TMEM106B: variants seen among roughly 807,000 people sequenced by gnomAD.
TMEM106B encodes the protein transmembrane protein 106B.
In TMEM106B, 15 loss-of-function variants were observed where a neutral mutation model predicts 31.1. The observed-to-expected ratio is 0.48, with a 90% CI of 0.32 to 0.74. TMEM106B has a LOEUF of 0.74. Ranked by LOEUF, TMEM106B falls within the 30% of genes least tolerant of loss-of-function variation. The pLI, the probability that TMEM106B is intolerant of heterozygous loss-of-function variation, is 0.03. For synonymous variants in TMEM106B, 126 were observed against 112.5 expected (o/e 1.12, Z -0.76); for missense variants, 283 against 327.3 (o/e 0.86, Z 1.04).
chr7:12,241,889 C>T lies in TMEM106B; in HGVS notation c.*9914C>T, dbSNP rs1007856454. The T allele has an allele frequency of 4.6e-5, 7 of 152,164 alleles. No homozygotes were observed. Among genetic ancestry groups the T allele is most frequent in the Non-Finnish European group, 7.3e-5 (5 of 68,028 alleles). The allele number at this position is 152,164 out of a possible 1,614,324, so 9.4% of individuals were successfully genotyped here. The stretch of plus-strand genomic sequence containing the variant: ...AACAGTGTGTAAAAGCTTCCTATTT[C>T]TCTACATTCTCTCCAGCATCTGTTG... On this transcript the variant is annotated 3_prime_UTR_variant, in exon 8 of 8. Transcript: ENST00000396668.
At chr7:12,230,304 C>T (rs1194555267) in intron 5 of TMEM106B, 85 bp from the exon 6 acceptor site, 1 of 986,394 alleles carries the variant, frequency 1.0e-6, no homozygotes, top group African/African-American at 1.6e-5. Context: ...AGAAAAATTT[C>T]TAATTATTTG....
rs1782035889 is a variant in TMEM106B, at chr7:12,232,029, C to G, written c.*54C>G. 5 of 1,536,218 alleles carry G rather than the reference C, an allele frequency of 3.3e-6. No homozygotes were observed. The highest frequency in any genetic ancestry group is 1.2e-5 in the South Asian group (1 of 83,312). The stretch of plus-strand genomic sequence containing the variant: ...AATATCTATTGATATTTCCTATACT[C>G]TCAATGAAGAGGTATTTCCTAATAG... On this transcript the variant is annotated 3_prime_UTR_variant, in exon 8 of 8. Transcript: ENST00000396668.
intron 4 of TMEM106B, among the ~76,000 whole-genome samples, chr7:12,226,985 A>G (rs1461499280): frequency 6.6e-6 from 1 of 152,108 alleles, no homozygotes; most frequent in East Asian, 1.9e-4. Flanking sequence ...GTCAAATAAC[A>G]TAAATATGTA....
At chr7:12,225,956 C>G (rs1403572859) in intron 4 of TMEM106B, among the ~76,000 whole-genome samples, 1 of 151,994 alleles carries the variant, frequency 6.6e-6, no homozygotes, top group Non-Finnish European at 1.5e-5. Flanking sequence ...AATGGTATTG[C>G]CTAGGTTTTC....
intron 2 of TMEM106B, among the ~76,000 whole-genome samples, chr7:12,217,274 C>A (rs1412346411): frequency 6.6e-6 from 1 of 152,052 alleles, no homozygotes; most frequent in East Asian, 1.9e-4. Context: ...GACACAGAAG[C>A]AGGTAGGTGG....
In TMEM106B at chr7:12,237,008, G is replaced by A. The variant is rs1221912069; in HGVS notation, c.*5033G>A. The A allele has an allele frequency of 6.6e-6, 1 of 151,718 alleles. No homozygotes were observed. Among genetic ancestry groups the A allele is most frequent in the East Asian group, 1.9e-4 (1 of 5,182 alleles). The allele number at this position is 151,718 out of a possible 1,614,324, so 9.4% of individuals were successfully genotyped here. A position where few individuals can be genotyped will look rare whatever the true frequency, so the allele number is the denominator to read the frequency against. On this transcript the variant is annotated 3_prime_UTR_variant, in exon 8 of 8. Coordinates refer to ENST00000396668, the MANE Select transcript of TMEM106B (RefSeq NM_001134232.2). Reference sequence around the variant, plus strand: ...AATATAGAATATGAAAATATGTTTGGGCATTTACTGTTTATATTATGTAGT... The same window carrying A: ...AATATAGAATATGAAAATATGTTTGAGCATTTACTGTTTATATTATGTAGT...
rs1307341557 is a variant in TMEM106B, at chr7:12,224,997, C to T, written c.441+612C>T. On this transcript the variant is annotated intron_variant, in intron 4 of 7. Transcript: ENST00000396668. Reference sequence around the variant, plus strand: ...CTCATCATTTACTTTAGGTATTTCTCCTAATGCTATCCCTCCCCCATCCCT... The same window carrying T: ...CTCATCATTTACTTTAGGTATTTCTTCTAATGCTATCCCTCCCCCATCCCT... Among the ~76,000 whole-genome samples, 5 of 152,100 alleles carry T rather than the reference C, an allele frequency of 3.3e-5. No homozygotes were observed. In the East Asian group the frequency reaches 9.7e-4, roughly 30 times the overall value.
Position 12,218,536 on chromosome 7 carries a change from G to T in TMEM106B, c.281+15G>T, listed in dbSNP as rs1781730482. ...CCAAGAAGAACGTAAGTGATTCTAA[G>T]AATATGGCAGTGTTTTATGTTTTAT... On this transcript the variant is annotated intron_variant, in intron 3 of 7. Transcript: ENST00000396668. 1 of 1,596,192 alleles carries T rather than the reference G, an allele frequency of 6.3e-7. No homozygotes were observed.
rs1244503155 is a variant in TMEM106B, at chr7:12,211,366, C to T, written c.-62C>T. The stretch of plus-strand genomic sequence containing the variant: ...CTCCCGGGACTGTGGACTCCACGAC[C>T]CTGTCCTCGGCCCTGTCCGCGCCGA... On this transcript the variant is annotated 5_prime_UTR_variant, in exon 1 of 8. Transcript: ENST00000396668. 1 of 152,416 alleles carries T rather than the reference C, an allele frequency of 6.6e-6. No individual in the cohort carries two copies. The highest frequency in any genetic ancestry group is 2.4e-5 in the African/African-American group (1 of 41,478). 9.4% of individuals were successfully genotyped at this position (152,416 alleles called of 1,614,324 possible).
intron 4 of TMEM106B, among the ~76,000 whole-genome samples, chr7:12,225,326 A>G (rs1351450777): frequency 3.3e-5 from 5 of 152,194 alleles, no homozygotes; most frequent in African/African-American, 7.2e-5. Flanking sequence ...TGCAATAAAC[A>G]TAACGTGTTA....
chr7:12,226,664 G>A (rs1380194266), intron 4 of TMEM106B, among the ~76,000 whole-genome samples: 1 of 151,278 alleles, frequency 6.6e-6, no homozygotes, highest in Non-Finnish European at 1.5e-5. Flanking sequence ...GGAATGGTAT[G>A]TTAAAGTGGA....
chr7:12,213,090 T>C (rs1403305485), intron 1 of TMEM106B, among the ~76,000 whole-genome samples: 2 of 152,218 alleles, frequency 1.3e-5, no homozygotes, highest in Admixed American at 6.5e-5. Flanking sequence ...TACTTCATTA[T>C]CTACCTGCAG....
chr7:12,230,298 A>C, intron 5 of TMEM106B, 91 bp from the exon 6 acceptor site: 2 of 955,096 alleles, frequency 2.1e-6, no homozygotes, highest in Non-Finnish European at 3.4e-6. Flanking sequence ...AAAAGGAGAA[A>C]AATTTCTAAT....
intron 3 of TMEM106B, 99 bp downstream of exon 3, chr7:12,218,620 A>G (rs1781732311): frequency 1.1e-6 from 1 of 943,242 alleles, no homozygotes. Flanking sequence ...TATTAAAAGA[A>G]AAAATGCTGT....
rs1781786549 is a variant in TMEM106B at position 12,221,478 on chromosome 7, C to T, written c.282-2748C>T. Among the ~76,000 whole-genome samples the T allele has an allele frequency of 2.0e-5, 3 of 152,104 alleles. No homozygotes were observed. In the South Asian group the frequency reaches 6.2e-4, roughly 31 times the overall value. ...ACAAAATCAAAGAAATTGAATTTTC[C>T]ACTTTTGACCCAAATAGAATAATGC... On this transcript the variant is annotated intron_variant, in intron 3 of 7. Transcript: ENST00000396668.
rs1018150122 is a variant in TMEM106B at position 12,227,823 on chromosome 7, TTTTA to T, written c.442-1849_442-1846del. ...AAATGTCTAACCTTTATTACTAAAT[TTTTA>T]TTTATTCTGTCTTATTTTTTCTTTG... On this transcript the variant is annotated intron_variant, in intron 4 of 7. Coordinates refer to ENST00000396668, the MANE Select transcript of TMEM106B (RefSeq NM_001134232.2). 9.2e-5 allele frequency among the ~76,000 whole-genome samples: 14 copies of T among 152,042 alleles called. No individual in the cohort carries two copies. In the East Asian group the frequency reaches 1.9e-3, roughly 21 times the overall value.
chr7:12,215,178 C>T, intron 2 of TMEM106B, 151 bp downstream of exon 2: 1 of 594,260 alleles, frequency 1.7e-6, no homozygotes. Context: ...CAAAAAGATG[C>T]AAAAGAAACA....
chr7:12,226,547 G>A (rs1404281303), intron 4 of TMEM106B, among the ~76,000 whole-genome samples: 1 of 152,142 alleles, frequency 6.6e-6, no homozygotes, highest in African/African-American at 2.4e-5. Context: ...CAGGAAGAGT[G>A]ATAGTTGTTT....
Position 12,230,389 on chromosome 7 carries a change from A to G in TMEM106B, c.583A>G (p.Ile195Val). Residue 195 changes from isoleucine to valine, a missense_variant and splice_region_variant, in exon 6 of 8, where the codon ATT (isoleucine) becomes GTT (valine). By Grantham distance (29) the Ile-to-Val change is conservative. Transcript: ENST00000396668. ...TCGAATTTCTCCTTTTGCCTTTCAG[A>G]TTGATTACACAGTACCTACCGTTAT... ...TIIGPLDMKQ[I>V]DYTVPTVIAE... 6.2e-7 allele frequency: 1 copy of G among 1,601,894 alleles called. No individual in the cohort carries two copies. Among genetic ancestry groups the G allele is most frequent in the Non-Finnish European group, 8.5e-7 (1 of 1,170,272 alleles).
Sources: gnomAD v4.1 joint callset for allele counts (sites outside exome capture counted in the v4.1 genomes callset) on GRCh38, gnomAD v4.1.1 for gene constraint, MANE v1.5 for transcripts, NCBI Gene and HGNC (gene_info 2026-07-23, HGNC 2026-07-21) for gene names.